Variants in GPC5 observed in about 807,000 individuals in gnomAD.
GPC5 encodes glypican-5.
A neutral mutation model predicts 53.9 loss-of-function variants in GPC5; 47 were observed. The ratio of observed to expected loss-of-function variants is 0.87; its 90% CI spans 0.69 to 1.11. GPC5 has a LOEUF of 1.11. Ranked by LOEUF, GPC5 falls within the 50% of genes most tolerant of loss-of-function variation. GPC5 has a pLI of 0.00. For synonymous variants in GPC5, 286 were observed against 263.3 expected, an observed-to-expected ratio of 1.09 and a Z score of -0.84; for missense variants, 748 against 713.1, an observed-to-expected ratio of 1.05 and a Z score of -0.56.
At chr13:92,805,462 T>C (rs575425927) in intron 7 of GPC5, among the ~76,000 whole-genome samples, 1 of 152,062 alleles carries the variant, frequency 6.6e-6, no homozygotes, top group South Asian at 2.1e-4. Flanking sequence ...TTTGAGAAAG[T>C]GTCTCATTCT....
intron 7 of GPC5, among the ~76,000 whole-genome samples, chr13:92,486,987 C>A (rs1210786338): frequency 6.6e-6 from 1 of 152,002 alleles, no homozygotes; most frequent in Non-Finnish European, 1.5e-5. Flanking sequence ...TCTCAAGTAG[C>A]TGGGATTATA....
chr13:92,114,984 T>C (rs934800542), intron 6 of GPC5, among the ~76,000 whole-genome samples: 6 of 152,248 alleles, frequency 3.9e-5, no homozygotes, highest in Admixed American at 1.3e-4. Flanking sequence ...AAAGTAGTTT[T>C]ATTCTGATTC....
chr13:91,820,819 C>T (rs112157172), intron 5 of GPC5, among the ~76,000 whole-genome samples: 4,763 of 152,014 alleles, frequency 0.031, 260 homozygotes, highest in African/African-American at 0.11. Flanking sequence ...AAAAATTAGC[C>T]GGGCGTGGTG....
chr13:91,967,332 G>A (rs554455833), intron 6 of GPC5, among the ~76,000 whole-genome samples: 16 of 152,180 alleles, frequency 1.1e-4, no homozygotes, highest in African/African-American at 3.9e-4. Context: ...TTTGGGTGGT[G>A]ACACAGTTAA....
chr13:91,668,716 A>G (rs753916157), intron 2 of GPC5, among the ~76,000 whole-genome samples: 3 of 152,216 alleles, frequency 2.0e-5, no homozygotes, highest in Non-Finnish European at 2.9e-5. Flanking sequence ...TATCATAACA[A>G]TGTAAAAGTC....
intron 3 of GPC5, among the ~76,000 whole-genome samples, chr13:91,719,167 A>G (rs2036410723): frequency 6.6e-6 from 1 of 152,236 alleles, no homozygotes; most frequent in African/African-American, 2.4e-5. Flanking sequence ...CAGAGCTTGC[A>G]AGTGAATTGA....
At chr13:92,811,379 A>G (rs1271804398) in intron 7 of GPC5, among the ~76,000 whole-genome samples, 1 of 151,970 alleles carries the variant, frequency 6.6e-6, no homozygotes, top group East Asian at 1.9e-4. Flanking sequence ...CTAATGAATA[A>G]TGATATTGAG....
chr13:92,139,666 C>CA (rs5805729), intron 6 of GPC5, among the ~76,000 whole-genome samples: 3,494 of 94,104 alleles, frequency 0.037, 207 homozygotes, highest in African/African-American at 0.078. Flanking sequence ...GATTCCGTCT[C>CA]AAAAAAAAAA....
intron 5 of GPC5, among the ~76,000 whole-genome samples, chr13:91,775,018 A>G (rs897794403): frequency 8.5e-5 from 13 of 152,162 alleles, no homozygotes; most frequent in Non-Finnish European, 1.8e-4. Context: ...AATGGGTAAG[A>G]GAAGAGAGAG....
At chr13:92,289,791 C>G (rs28379908) in intron 7 of GPC5, among the ~76,000 whole-genome samples, 1,866 of 151,914 alleles carry the variant, frequency 0.012, 47 homozygotes, top group African/African-American at 0.043. Context: ...ATTTTAAACA[C>G]CAGTGAAATT....
chr13:91,668,178 C>T (rs1466080772), intron 2 of GPC5, among the ~76,000 whole-genome samples: 1 of 152,206 alleles, frequency 6.6e-6, no homozygotes, highest in Admixed American at 6.5e-5. Context: ...AATCCAGATT[C>T]TGCCACCTTT....
At chr13:92,199,148 G>T (rs913373032) in intron 7 of GPC5, among the ~76,000 whole-genome samples, 6 of 152,148 alleles carry the variant, frequency 3.9e-5, no homozygotes, top group African/African-American at 1.4e-4. Flanking sequence ...TTGGATTTTT[G>T]TTGCCACATA....
At chr13:92,693,105 A>G (rs1178703549) in intron 7 of GPC5, among the ~76,000 whole-genome samples, 1 of 151,990 alleles carries the variant, frequency 6.6e-6, no homozygotes, top group Non-Finnish European at 1.5e-5. Flanking sequence ...TTCACCTTCC[A>G]CCATGATTGT....
chr13:92,025,377 A>C (rs1262287393), intron 6 of GPC5, among the ~76,000 whole-genome samples: 1 of 152,142 alleles, frequency 6.6e-6, no homozygotes, highest in African/African-American at 2.4e-5. Flanking sequence ...AGAAAGACTA[A>C]AAATTTCAGA....
intron 7 of GPC5, among the ~76,000 whole-genome samples, chr13:92,663,740 T>A (rs1258299843): frequency 7.1e-6 from 1 of 139,950 alleles, no homozygotes; most frequent in East Asian, 2.0e-4. Context: ...ATATCTACTA[T>A]ATATATCTCT....
At chr13:92,097,832 T>C (rs2041433794) in intron 6 of GPC5, among the ~76,000 whole-genome samples, 1 of 152,236 alleles carries the variant, frequency 6.6e-6, no homozygotes, top group African/African-American at 2.4e-5. Flanking sequence ...TGAATGATGA[T>C]CTGGAAGGTA....
chr13:92,553,526 T>C (rs998359366), intron 7 of GPC5, among the ~76,000 whole-genome samples: 15 of 151,962 alleles, frequency 9.9e-5, no homozygotes, highest in Admixed American at 6.6e-5. Flanking sequence ...TATATGGTAA[T>C]GTCCCCAGTT....
At chr13:92,116,488 A>G (rs1285781666) in intron 6 of GPC5, among the ~76,000 whole-genome samples, 1 of 152,218 alleles carries the variant, frequency 6.6e-6, no homozygotes, top group African/African-American at 2.4e-5. Context: ...GCAAACTAAT[A>G]TACCGTGTTT....
At chr13:91,789,256 T>C (rs2037926452) in intron 5 of GPC5, among the ~76,000 whole-genome samples, 1 of 152,136 alleles carries the variant, frequency 6.6e-6, no homozygotes, top group African/African-American at 2.4e-5. Context: ...AGGAAATTTA[T>C]GGACAATTAA....
Sources: gnomAD v4.1 joint callset for allele counts (sites outside exome capture counted in the v4.1 genomes callset) on GRCh38, gnomAD v4.1.1 for gene constraint, MANE v1.5 for transcripts, NCBI Gene and HGNC (gene_info 2026-07-23, HGNC 2026-07-21) for gene names.